ZFHX3: variants seen among roughly 807,000 people sequenced by gnomAD.
The protein encoded by ZFHX3 is zinc finger homeobox 3.
A neutral mutation model predicts 279.1 loss-of-function variants in ZFHX3; 42 were observed. The ratio of observed to expected loss-of-function variants is 0.15; its 90% confidence interval spans 0.12 to 0.19. The LOEUF is 0.19. Among genes scored for constraint, ZFHX3 ranks in the 10% least tolerant of loss-of-function variants. ZFHX3 has a pLI of 1.00. For synonymous variants in ZFHX3, 2,293 were observed against 1,957.8 expected, an observed-to-expected ratio of 1.17 and a Z score of -4.52; for missense variants, 4,981 against 4,754.0, an observed-to-expected ratio of 1.05 and a Z score of -1.40.
intron 1 of ZFHX3, among the ~76,000 whole-genome samples, chr16:73,887,785 C>G (rs1394368064): frequency 6.6e-6 from 1 of 152,066 alleles, no homozygotes; most frequent in Non-Finnish European, 1.5e-5. Context: ...TAAAACAGCC[C>G]AAAATCACTT....
At chr16:72,811,279 T>C (rs1307251296) in intron 7 of ZFHX3, among the ~76,000 whole-genome samples, 1 of 152,206 alleles carries the variant, frequency 6.6e-6, no homozygotes, top group Admixed American at 6.5e-5. Context: ...AGTAAAGGTT[T>C]GAAGAATTTG....
chr16:72,875,974 G>A (rs2038300968), intron 4 of ZFHX3, among the ~76,000 whole-genome samples: 1 of 152,140 alleles, frequency 6.6e-6, no homozygotes. Context: ...AATTAATGTT[G>A]AAATGAGCTT....
chr16:73,519,201 T>G lies in ZFHX3; in HGVS notation c.-1546-62943A>C, dbSNP rs114968770. 3.5e-3 allele frequency among the ~76,000 whole-genome samples: 537 copies of G among 152,230 alleles called. 4 individuals are homozygous for G. The highest frequency in any genetic ancestry group is 0.013 in the African/African-American group (527 of 41,534). On this transcript the variant is annotated intron_variant, in intron 2 of 17. Coordinates refer to the ZFHX3 transcript ENST00000641206. ...ATTGATGGTTATTTATGACAAACAG[T>G]TAAACCACCAGTAAATCAGAAGACA...
intron 1 of ZFHX3, among the ~76,000 whole-genome samples, chr16:73,025,710 C>A (rs1964474375): frequency 6.6e-6 from 1 of 152,094 alleles, no homozygotes; most frequent in Non-Finnish European, 1.5e-5. Context: ...ATTGTCAGGG[C>A]CCAACCGAAA....
chr16:72,825,971 C>CGA (rs2143699948), intron 5 of ZFHX3, among the ~76,000 whole-genome samples: 1 of 152,210 alleles, frequency 6.6e-6, no homozygotes, highest in South Asian at 2.1e-4. Flanking sequence ...ATCGGTCTTA[C>CGA]GACTACGGGC....
intron 5 of ZFHX3, among the ~76,000 whole-genome samples, chr16:73,186,489 G>T (rs1285582909): frequency 6.6e-6 from 1 of 151,578 alleles, no homozygotes; most frequent in African/African-American, 2.4e-5. Context: ...AGTGTGCAAG[G>T]TATATAGTAG....
Position 73,473,339 on chromosome 16 carries a change from CAA to C in ZFHX3, c.-1546-17083_-1546-17082del, listed in dbSNP as rs11347779. Among the ~76,000 whole-genome samples the C allele has an allele frequency of 2.3e-3, 176 of 76,658 alleles. 1 individual carries two copies. Among genetic ancestry groups the C allele is most frequent in the Middle Eastern group, 9.6e-3 (1 of 104 alleles). The allele number at this position is 76,658 out of a possible 152,430, so 50.3% of individuals were successfully genotyped here. A position where few individuals can be genotyped will look rare whatever the true frequency, so the allele number is the denominator to read the frequency against. ...GAGACAGAGCGAGACTGTCTCAAAG[CAA>C]AAAAAAAAAAAAAAAACAAAAAAAA... On this transcript the variant is annotated intron_variant, in intron 2 of 17. Transcript: ENST00000641206.
chr16:73,226,734 C>T (rs1170154795), intron 5 of ZFHX3, among the ~76,000 whole-genome samples: 1 of 152,168 alleles, frequency 6.6e-6, no homozygotes, highest in Non-Finnish European at 1.5e-5. Flanking sequence ...CTTAATCTTA[C>T]ATATTTTTTT....
At chr16:73,547,387 T>C (rs2020137136) in intron 2 of ZFHX3, among the ~76,000 whole-genome samples, 1 of 152,196 alleles carries the variant, frequency 6.6e-6, no homozygotes, top group Non-Finnish European at 1.5e-5. Context: ...CCTACTTCAT[T>C]CCTTTTGTTC....
At position 72,795,844 on chromosome 16, in the gene ZFHX3, T is replaced by G; in HGVS notation, c.6838A>C (p.Asn2280His). 6.2e-7 allele frequency: 1 copy of G among 1,614,178 alleles called. No individual in the cohort carries two copies. The highest frequency in any genetic ancestry group is 8.5e-7 in the Non-Finnish European group (1 of 1,180,032). Reference protein sequence around the residue: ...DEFEQLSNLLNLPTRVIVVWF... With the variant: ...DEFEQLSNLLHLPTRVIVVWF... ...ACCACTATCACTCGGGTTGGAAGGTTCAGTAAATTAGAGAGTTGCTCAAAT... is the reference window on the plus strand; with the variant it reads ...ACCACTATCACTCGGGTTGGAAGGTGCAGTAAATTAGAGAGTTGCTCAAAT... Residue 2280 changes from asparagine (N) to histidine (H), a missense_variant, in exon 9 of 10, where the codon AAC (asparagine) becomes CAC (histidine). Transcript: ENST00000268489.
At chr16:72,974,945 TGA>T (rs1962286279) in intron 1 of ZFHX3, among the ~76,000 whole-genome samples, 1 of 151,986 alleles carries the variant, frequency 6.6e-6, no homozygotes, top group Non-Finnish European at 1.5e-5. Flanking sequence ...ACTGAAGGCT[TGA>T]GAGGTTTATT....
At position 73,105,460 on chromosome 16, in the gene ZFHX3, T is replaced by TTC. The variant is rs1567389953; in HGVS notation, c.-896-11863_-896-11862insGA. ...ACACACACACATATATATATATATT[T>TTC]TTTCCCCCAGGCCAGGCGTGCTGGC... On this transcript the variant is annotated intron_variant, in intron 7 of 17. Transcript: ENST00000641206. 9.7e-4 allele frequency among the ~76,000 whole-genome samples: 114 copies of TTC among 116,978 alleles called. 1 individual carries two copies. The highest frequency in any genetic ancestry group is 5.0e-3 in the Middle Eastern group (1 of 200). 76.7% of individuals were successfully genotyped at this position (116,978 alleles called of 152,430 possible).
chr16:73,286,098 T>G, intron 4 of ZFHX3, among the ~76,000 whole-genome samples: 1 of 152,264 alleles, frequency 6.6e-6, no homozygotes, highest in South Asian at 2.1e-4. Flanking sequence ...ATACAAATGC[T>G]TTAGACGGGG....
intron 2 of ZFHX3, among the ~76,000 whole-genome samples, chr16:73,465,196 T>C (rs1360578504): frequency 2.6e-5 from 4 of 152,164 alleles, no homozygotes; most frequent in Non-Finnish European, 5.9e-5. Flanking sequence ...ATAGTTATTA[T>C]CCCTCACTCC....
chr16:73,413,607 T>C (rs1479355090), intron 3 of ZFHX3, among the ~76,000 whole-genome samples: 1 of 152,182 alleles, frequency 6.6e-6, no homozygotes, highest in South Asian at 2.1e-4. Context: ...GAGAACATTG[T>C]GGTTTTGGGG....
chr16:73,649,946 C>T (rs1223188688), intron 2 of ZFHX3, among the ~76,000 whole-genome samples: 1 of 152,142 alleles, frequency 6.6e-6, no homozygotes, highest in African/African-American at 2.4e-5. Context: ...GGATGTGAGT[C>T]ACGGCTCTAG....
chr16:73,009,457 T>G (rs139558518), intron 1 of ZFHX3, among the ~76,000 whole-genome samples: 129 of 152,264 alleles, frequency 8.5e-4, no homozygotes, highest in Non-Finnish European at 1.1e-3. Context: ...ATGTGGTTAT[T>G]TAATGCTTCA....
At chr16:73,757,294 C>T (rs1264010386) in intron 1 of ZFHX3, among the ~76,000 whole-genome samples, 1 of 152,144 alleles carries the variant, frequency 6.6e-6, no homozygotes, top group Admixed American at 6.5e-5. Context: ...AGTGTGCTTC[C>T]ACTGCAGACT....
intron 2 of ZFHX3, among the ~76,000 whole-genome samples, chr16:73,600,247 C>T (rs2052097548): frequency 6.6e-6 from 1 of 152,084 alleles, no homozygotes; most frequent in African/African-American, 2.4e-5. Context: ...CAGCATCATC[C>T]CTTTCATCCC....
Sources: gnomAD v4.1 joint callset for allele counts (sites outside exome capture counted in the v4.1 genomes callset) on GRCh38, gnomAD v4.1.1 for gene constraint, MANE v1.5 for transcripts, NCBI Gene and HGNC (gene_info 2026-07-23, HGNC 2026-07-21) for gene names.